RBPJ: variants seen among roughly 807,000 people sequenced by gnomAD.
RBPJ encodes the protein recombining binding protein suppressor of hairless.
A neutral mutation model predicts 67.8 loss-of-function variants in RBPJ; 9 were observed. The ratio of observed to expected loss-of-function variants is 0.13; its 90% CI spans 0.08 to 0.23. The LOEUF (loss-of-function observed/expected upper bound fraction) is 0.23, where lower values mean the gene tolerates loss of function less well. Ranked by LOEUF, RBPJ falls within the 10% of genes least tolerant of loss-of-function variation. The pLI, the probability that RBPJ is intolerant of heterozygous loss-of-function variation, is 1.00. For missense variants in RBPJ, 305 were observed against 595.6 expected, an observed-to-expected ratio of 0.51 and a Z score of 5.08; for synonymous variants, 198 against 203.3, an observed-to-expected ratio of 0.97 and a Z score of 0.22.
At chr4:26,132,097 C>T in the RBPJ span, among the ~76,000 whole-genome samples, 1 of 152,000 alleles carries the variant, frequency 6.6e-6, no homozygotes. Flanking sequence ...GGAAACTGGG[C>T]CACTGTGTAA....
At chr4:26,323,767 T>G (rs752909537) in intron 1 of RBPJ, among the ~76,000 whole-genome samples, 12 of 152,210 alleles carry the variant, frequency 7.9e-5, no homozygotes, top group Non-Finnish European at 1.3e-4. Context: ...GACAGGCCAT[T>G]CTTGCCAGAT....
At chr4:26,232,447 G>A (rs1479763861) in intron 1 of RBPJ, among the ~76,000 whole-genome samples, 2 of 150,726 alleles carry the variant, frequency 1.3e-5, no homozygotes, top group African/African-American at 5.0e-5. Flanking sequence ...TCAAATTCCT[G>A]GCCTCAAGCA....
chr4:26,377,163 G>A (rs967725369), intron 1 of RBPJ, among the ~76,000 whole-genome samples: 3 of 152,194 alleles, frequency 2.0e-5, no homozygotes, highest in Non-Finnish European at 2.9e-5. Flanking sequence ...CTTACTCAGT[G>A]CTGGACACTA....
chr4:26,359,838 T>G (rs561605365), intron 1 of RBPJ: 2 of 152,280 alleles, frequency 1.3e-5, no homozygotes. Context: ...TGAGGCTGTT[T>G]AGAAAAACAT....
At chr4:26,301,294 A>G (rs1013756465) in intron 1 of RBPJ, among the ~76,000 whole-genome samples, 1 of 152,116 alleles carries the variant, frequency 6.6e-6, no homozygotes, top group African/African-American at 2.4e-5. Flanking sequence ...TCTGGGTCCA[A>G]ATAAAAAAAC....
At chr4:26,307,358 C>T (rs1722272578) in intron 1 of RBPJ, among the ~76,000 whole-genome samples, 1 of 152,188 alleles carries the variant, frequency 6.6e-6, no homozygotes, top group African/African-American at 2.4e-5. Flanking sequence ...AAACTAAATA[C>T]TTCTGTATGT....
the RBPJ span, among the ~76,000 whole-genome samples, chr4:26,109,460 C>CTA: frequency 0.041 from 598 of 14,538 alleles, 19 homozygotes; most frequent in Middle Eastern, 0.062. Context: ...CTCTCTCTCT[C>CTA]TATATATATA....
intron 1 of RBPJ, among the ~76,000 whole-genome samples, chr4:26,336,925 C>T (rs770616835): frequency 1.3e-5 from 2 of 152,026 alleles, no homozygotes; most frequent in African/African-American, 4.8e-5. Flanking sequence ...TAAATGGTAG[C>T]GTAGTGCTTC....
intron 4 of RBPJ, among the ~76,000 whole-genome samples, chr4:26,420,239 C>T (rs747383470): frequency 3.3e-5 from 5 of 151,500 alleles, no homozygotes; most frequent in South Asian, 2.1e-4. Context: ...ACTGCTGTAA[C>T]GTTGAGTGAT....
upstream of RBPJ, chr4:26,320,734 C>T (rs952514212): frequency 2.6e-6 from 4 of 1,550,376 alleles, no homozygotes; most frequent in African/African-American, 2.7e-5. Context: ...CGTCCTAAAA[C>T]CCGGATAACC....
intron 1 of RBPJ, among the ~76,000 whole-genome samples, chr4:26,279,545 G>A (rs1560241507): frequency 6.6e-6 from 1 of 152,224 alleles, no homozygotes; most frequent in Non-Finnish European, 1.5e-5. Flanking sequence ...CAAAGCGTTG[G>A]GATTAAAGGC....
At chr4:26,203,316 T>A (rs765010532) in intron 1 of RBPJ, among the ~76,000 whole-genome samples, 4 of 152,194 alleles carry the variant, frequency 2.6e-5, no homozygotes, top group Non-Finnish European at 5.9e-5. Flanking sequence ...TCCGGAACAG[T>A]CTTTGCCACA....
At chr4:26,195,837 G>A (rs1363364070) in intron 1 of RBPJ, among the ~76,000 whole-genome samples, 2 of 152,128 alleles carry the variant, frequency 1.3e-5, no homozygotes, top group African/African-American at 4.8e-5. Context: ...CTTGTGATCT[G>A]CCTGCCTCGG....
chr4:26,109,668 C>CTA, the RBPJ span, among the ~76,000 whole-genome samples: 4 of 33,300 alleles, frequency 1.2e-4, 1 homozygote, highest in Non-Finnish European at 2.2e-4. Flanking sequence ...CTCTCTCTCT[C>CTA]TATATATATA....
chr4:26,289,939 C>T (rs986408261), intron 1 of RBPJ, among the ~76,000 whole-genome samples: 2 of 150,470 alleles, frequency 1.3e-5, no homozygotes, highest in African/African-American at 2.4e-5. Context: ...GTAACAGGTA[C>T]CTACCTGTAA....
chr4:26,415,547 C>T lies in RBPJ; in HGVS notation c.228C>T (p.Arg76=), dbSNP rs761169357. 3.1e-6 allele frequency: 5 copies of T among 1,612,446 alleles called. No individual in the cohort carries two copies. The highest frequency in any genetic ancestry group is 1.7e-5 in the Admixed American group (1 of 59,854). The change falls in exon 4 of 11, where the codon CGC becomes CGT. Residue 76 remains arginine (R), a synonymous_variant. Transcript: ENST00000355476. The part of the protein sequence containing the change: ...GWKKKKEQME[R]DGCSEQESQP... ...AGAAAAAAAAAGAACAAATGGAACG[C>T]GATGGTTGTTCTGAACAAGAGTCTC...
chr4:26,108,996 G>A, the RBPJ span, among the ~76,000 whole-genome samples: 1 of 151,894 alleles, frequency 6.6e-6, no homozygotes, highest in East Asian at 1.9e-4. Flanking sequence ...TGTCTGGAAA[G>A]TGAGCTCCAC....
rs79139589 is a variant in RBPJ at position 26,386,348 on chromosome 4, T to C, written c.21-5T>C. ...ACTTTATTTTCTTTATTTTTTTTTT[T>C]CCAGGAAATTTGGTGAGCGGCCTCC... On this transcript the variant is annotated splice_region_variant and splice_polypyrimidine_tract_variant and intron_variant, in intron 1 of 10. Transcript: ENST00000355476. The C allele has an allele frequency of 3.8e-6, 6 of 1,578,956 alleles. No homozygotes were observed. Among genetic ancestry groups the C allele is most frequent in the Non-Finnish European group, 5.2e-6 (6 of 1,158,086 alleles).
chr4:26,265,921 C>T (rs1411066077), intron 1 of RBPJ, among the ~76,000 whole-genome samples: 1 of 152,040 alleles, frequency 6.6e-6, no homozygotes, highest in African/African-American at 2.4e-5. Context: ...CCTGTAGTCC[C>T]AGCTACTCAG....
Sources: allele counts gnomAD v4.1 joint callset (sites outside exome capture counted in the v4.1 genomes callset), GRCh38; gene constraint gnomAD v4.1.1; transcripts MANE v1.5; gene names NCBI Gene and HGNC (gene_info 2026-07-23, HGNC 2026-07-21).